Variants in ZNF846 observed in about 807,000 individuals in gnomAD.
ZNF846 encodes the protein zinc finger protein 420 pseudogene.
In ZNF846, 15 loss-of-function variants were observed where a neutral mutation model predicts 16.0. That is an observed-to-expected ratio of 0.94 (90% CI 0.63 to 1.45). The LOEUF (loss-of-function observed/expected upper bound fraction) is 1.45. Ranked by LOEUF, ZNF846 falls within the 40% of genes most tolerant of loss-of-function variation. The pLI is 0.00. For synonymous variants in ZNF846, 229 were observed against 212.0 expected (o/e 1.08, Z -0.70); for missense variants, 714 against 622.3 (o/e 1.15, Z -1.57).
chr19:9,764,796 C>A, intron 2 of ZNF846, 140 bp downstream of exon 2: 7 of 1,008,920 alleles, frequency 6.9e-6, no homozygotes, highest in Non-Finnish European at 1.1e-5. Context: ...GGCTTGGTTC[C>A]TAGAGAAATT....
At chr19:9,751,530 A>T (rs1300291387), downstream of ZNF846, among the ~76,000 whole-genome samples, 1 of 152,114 alleles carries the variant, frequency 6.6e-6, no homozygotes, top group Non-Finnish European at 1.5e-5. Flanking sequence ...ACATTGTAAC[A>T]TTCCTCCCCA....
intron 1 of ZNF846, among the ~76,000 whole-genome samples, chr19:9,775,371 A>G (rs1294616238): frequency 1.3e-5 from 2 of 152,160 alleles, no homozygotes; most frequent in African/African-American, 4.8e-5. Context: ...GACATACTAT[A>G]AAGCCTCTAC....
chr19:9,759,683 G>A (rs933217114), intron 5 of ZNF846, among the ~76,000 whole-genome samples, 177 bp downstream of exon 5: 12 of 151,842 alleles, frequency 7.9e-5, no homozygotes, highest in African/African-American at 2.7e-4. Context: ...TTATTTGTGA[G>A]ATCTCTGAGA....
chr19:9,776,381 G>GATAGCAGTAGTA (rs2045443056), intron 1 of ZNF846, among the ~76,000 whole-genome samples: 1 of 152,200 alleles, frequency 6.6e-6, no homozygotes, highest in Admixed American at 6.5e-5. Context: ...CTGCCTTCTA[G>GATAGCAGTAGTA]ATAGCAGTAG....
In ZNF846 at chr19:9,763,413, A is replaced by C; in HGVS notation, c.16-5T>G. The stretch of plus-strand genomic sequence containing the variant: ...ATCCTCAAAGGTCACTAAGTGCTAA[A>C]CCATTAAATACATGCCAGCTTCAGC... On this transcript the variant is annotated splice_region_variant and splice_polypyrimidine_tract_variant and intron_variant, in intron 2 of 5. Coordinates refer to ENST00000397902, the Ensembl canonical transcript of ZNF846. The C allele has an allele frequency of 6.3e-7, 1 of 1,589,610 alleles. No homozygotes were observed. The highest frequency in any genetic ancestry group is 8.5e-7 in the Non-Finnish European group (1 of 1,170,812).
At chr19:9,755,596 C>T (rs541359306), downstream of ZNF846, 21 of 149,886 alleles carry the variant, frequency 1.4e-4, no homozygotes, top group African/African-American at 5.0e-4. Context: ...GTCAGGAGAT[C>T]GAGACCATCC....
chr19:9,773,610 C>T (rs142120321), upstream of ZNF846, among the ~76,000 whole-genome samples: 2,288 of 152,064 alleles, frequency 0.015, 58 homozygotes, highest in African/African-American at 0.052. Context: ...GGTGAAATCC[C>T]GTCTCTATTA....
intron 1 of ZNF846, among the ~76,000 whole-genome samples, chr19:9,781,168 T>G (rs1484742265): frequency 1.3e-5 from 2 of 152,132 alleles, no homozygotes; most frequent in Non-Finnish European, 2.9e-5. Context: ...AGATGGAATC[T>G]CCCTCTGTAG....
chr19:9,783,142 T>TGG (rs2045518566), intron 1 of ZNF846, among the ~76,000 whole-genome samples: 1 of 151,844 alleles, frequency 6.6e-6, no homozygotes, highest in South Asian at 2.1e-4. Context: ...AGGCTGCTCT[T>TGG]GATCACTTGA....
intron 1 of ZNF846, among the ~76,000 whole-genome samples, chr19:9,766,269 G>A (rs1378035045): frequency 6.6e-6 from 1 of 151,248 alleles, no homozygotes; most frequent in Non-Finnish European, 1.5e-5. Flanking sequence ...AAAATACAAA[G>A]AAAAATGGGT....
At chr19:9,766,413 A>AC (rs969418479) in intron 1 of ZNF846, among the ~76,000 whole-genome samples, 4 of 102,822 alleles carry the variant, frequency 3.9e-5, no homozygotes, top group African/African-American at 2.8e-4. Flanking sequence ...ACTCTGTCAC[A>AC]AAAAAAAAAA....
chr19:9,752,925 T>C (rs779936435), downstream of ZNF846, among the ~76,000 whole-genome samples: 5 of 151,958 alleles, frequency 3.3e-5, no homozygotes, highest in Non-Finnish European at 7.4e-5. Context: ...CATAGACTGG[T>C]GGTTAATAAA....
chr19:9,758,697 G>C (rs775762403), exon 6 of ZNF846: 2 of 1,609,734 alleles, frequency 1.2e-6, no homozygotes, highest in East Asian at 4.5e-5. Context: ...CATAAGAAAT[G>C]GGTGTTCATT....
chr19:9,780,803 A>G (rs902958881), intron 1 of ZNF846, among the ~76,000 whole-genome samples: 2 of 152,156 alleles, frequency 1.3e-5, no homozygotes, highest in African/African-American at 4.8e-5. Context: ...GAGACTCCAG[A>G]CATACCAAAA....
downstream of ZNF846, among the ~76,000 whole-genome samples, chr19:9,749,997 C>T (rs2045071145): frequency 6.6e-6 from 1 of 152,086 alleles, no homozygotes; most frequent in South Asian, 2.1e-4. Context: ...CCTGTTGCTG[C>T]TCCTTTATGC....
At chr19:9,756,100 A>C (rs1483077591), downstream of ZNF846, 1 of 149,004 alleles carries the variant, frequency 6.7e-6, no homozygotes, top group East Asian at 2.0e-4. Context: ...TCGGCCTCCT[A>C]AAGTGCTGGG....
downstream of ZNF846, among the ~76,000 whole-genome samples, chr19:9,751,449 TG>T (rs1473171270): frequency 1.3e-5 from 2 of 152,216 alleles, no homozygotes; most frequent in African/African-American, 4.8e-5. Flanking sequence ...GGCCGCACCA[TG>T]GTCAAACCAT....
chr19:9,770,496 T>C (rs74396295), upstream of ZNF846, among the ~76,000 whole-genome samples: 1 of 150,632 alleles, frequency 6.6e-6, no homozygotes, highest in Non-Finnish European at 1.5e-5. Context: ...TTTTTTTTTT[T>C]GGCTTTTTTG....
intron 1 of ZNF846, among the ~76,000 whole-genome samples, chr19:9,776,968 T>C (rs1206606750): frequency 6.6e-6 from 1 of 151,598 alleles, no homozygotes; most frequent in Non-Finnish European, 1.5e-5. Context: ...GGGTCCTTTT[T>C]ATAGCTGGAG....
Sources: gnomAD v4.1 joint callset for allele counts (sites outside exome capture counted in the v4.1 genomes callset) on GRCh38, gnomAD v4.1.1 for gene constraint, MANE v1.5 for transcripts, NCBI Gene and HGNC (gene_info 2026-07-23, HGNC 2026-07-21) for gene names.